CCDC3: variants seen among roughly 807,000 people sequenced by gnomAD.
CCDC3 encodes the protein coiled-coil domain-containing protein 3.
A neutral mutation model predicts 21.4 loss-of-function variants in CCDC3; 24 were observed. The ratio of observed to expected loss-of-function variants is 1.12; its 90% CI spans 0.81 to 1.58. The LOEUF is 1.58. CCDC3 is among the 40% of genes most tolerant of loss of function. The probability of loss-of-function intolerance (pLI) is 0.00; values close to 1 mark genes in which losing one functional copy is unlikely to be tolerated. For synonymous variants in CCDC3, 186 were observed against 166.0 expected (o/e 1.12, Z -0.93); for missense variants, 425 against 360.9 (o/e 1.18, Z -1.44).
At chr10:13,084,513 C>A (rs1199841639) in intron 3 of CCDC3, among the ~76,000 whole-genome samples, 1 of 152,154 alleles carries the variant, frequency 6.6e-6, no homozygotes, top group Non-Finnish European at 1.5e-5. Flanking sequence ...TCTCGAACTC[C>A]TGACCTTAGG....
At chr10:13,038,199 C>T (rs1340844908) in intron 5 of CCDC3, among the ~76,000 whole-genome samples, 1 of 151,784 alleles carries the variant, frequency 6.6e-6, no homozygotes, top group East Asian at 1.9e-4. Flanking sequence ...CACACTGGGG[C>T]CTATCAGAGG....
chr10:12,976,527 CCA>C (rs1835420333), intron 2 of CCDC3, among the ~76,000 whole-genome samples: 1 of 152,204 alleles, frequency 6.6e-6, no homozygotes, highest in Non-Finnish European at 1.5e-5. Flanking sequence ...AGGTGAGAAT[CCA>C]CAGCCACAAG....
chr10:13,007,282 T>C (rs1835936115), intron 5 of CCDC3, among the ~76,000 whole-genome samples: 1 of 152,184 alleles, frequency 6.6e-6, no homozygotes, highest in Admixed American at 6.5e-5. Context: ...TCCCTAAGCC[T>C]TTGGATTCCC....
At position 12,948,215 on chromosome 10, in the gene CCDC3, G is replaced by A. The variant is rs569054064; in HGVS notation, c.550-49536C>T. Among the ~76,000 whole-genome samples the A allele has an allele frequency of 7.2e-5, 11 of 152,210 alleles. No homozygotes were observed. In the South Asian group the frequency reaches 1.9e-3, roughly 26 times the overall value. ...TCTTGCCTGCCACCACATAAGATGTGCCTTTGCTCTTCCTTCGCCTTCCAC... is the reference window on the plus strand; with the variant it reads ...TCTTGCCTGCCACCACATAAGATGTACCTTTGCTCTTCCTTCGCCTTCCAC... On this transcript the variant is annotated intron_variant, in intron 2 of 2. Transcript: ENST00000378825.
intron 2 of CCDC3, among the ~76,000 whole-genome samples, chr10:12,963,999 C>T (rs1835220750): frequency 6.6e-6 from 1 of 152,070 alleles, no homozygotes; most frequent in South Asian, 2.1e-4. Context: ...CTACAAGGTA[C>T]AAGTCAGTGA....
Position 13,001,342 on chromosome 10 carries a change from C to A in CCDC3, c.229G>T (p.Ala77Ser), listed in dbSNP as rs1410255422. The change falls in exon 1 of 3, where the codon GCC becomes TCC. Residue 77 changes from alanine to serine, a missense_variant. By Grantham distance (99) the Ala-to-Ser change is moderately conservative. Coordinates refer to ENST00000378825, the MANE Select transcript of CCDC3 (RefSeq NM_031455.4). ...TGGTCGCACAGCATCTCGACCTCGG[C>A]CGAGTAGAAGAGGCCCCCCTGGCCG... ...HAGQGGLFYS[A>S]EVEMLCDQAW... is the part of the protein sequence containing the mutation. 1 of 1,603,648 alleles carries A rather than the reference C, an allele frequency of 6.2e-7. No homozygotes were observed. Among genetic ancestry groups the A allele is most frequent in the Non-Finnish European group, 8.5e-7 (1 of 1,176,404 alleles).
chr10:12,913,119 T>A (rs1156606417), intron 2 of CCDC3, among the ~76,000 whole-genome samples: 2 of 152,240 alleles, frequency 1.3e-5, no homozygotes, highest in African/African-American at 4.8e-5. Context: ...ATTCTATTTC[T>A]ATGAAAAATT....
intron 5 of CCDC3, among the ~76,000 whole-genome samples, chr10:13,036,329 C>T (rs1836377141): frequency 6.6e-6 from 1 of 152,108 alleles, no homozygotes; most frequent in South Asian, 2.1e-4. Flanking sequence ...TTAAAAAAAT[C>T]CATGCTATAT....
chr10:13,085,758 G>A (rs1426094810), intron 3 of CCDC3, among the ~76,000 whole-genome samples: 1 of 152,188 alleles, frequency 6.6e-6, no homozygotes, highest in East Asian at 1.9e-4. Context: ...CCTGAGGTCA[G>A]GAGTTTGAGA....
rs932736307 is a variant in CCDC3, at chr10:12,898,387, C to G, written c.*29G>C. 1.3e-6 allele frequency: 2 copies of G among 1,563,020 alleles called. No homozygotes were observed. The highest frequency in any genetic ancestry group is 1.7e-6 in the Non-Finnish European group (2 of 1,154,662). On this transcript the variant is annotated 3_prime_UTR_variant, in exon 3 of 3. Transcript: ENST00000378825. ...CATTCTCAATTACCGTCAGGATTGGCCCTGCACACCTGGCAGCCCCCAGGC... is the reference window on the plus strand; with the variant it reads ...CATTCTCAATTACCGTCAGGATTGGGCCTGCACACCTGGCAGCCCCCAGGC...
chr10:13,058,268 C>T (rs1836708151), intron 4 of CCDC3: 7 of 1,380,554 alleles, frequency 5.1e-6, no homozygotes, highest in Non-Finnish European at 7.1e-6. Flanking sequence ...ACCTGGCTGA[C>T]CATCAATGCT....
At chr10:12,979,009 G>A (rs1184863357) in intron 2 of CCDC3, among the ~76,000 whole-genome samples, 2 of 151,928 alleles carry the variant, frequency 1.3e-5, no homozygotes, top group Admixed American at 6.6e-5. Context: ...CTGTGTCATC[G>A]CCTCATCCAT....
chr10:12,983,121 TAAAA>T (rs1835527956), intron 2 of CCDC3, among the ~76,000 whole-genome samples: 1 of 105,722 alleles, frequency 9.5e-6, no homozygotes, highest in Non-Finnish European at 1.8e-5. Flanking sequence ...AATAAATAAA[TAAAA>T]TAGTGTATAT....
chr10:13,091,560 C>A (rs1832570589), intron 3 of CCDC3, among the ~76,000 whole-genome samples: 1 of 152,144 alleles, frequency 6.6e-6, no homozygotes, highest in Admixed American at 6.5e-5. Flanking sequence ...TTATAACAGC[C>A]AGGATGGACA....
At chr10:13,050,893 C>A (rs963699989) in intron 4 of CCDC3, among the ~76,000 whole-genome samples, 6 of 152,024 alleles carry the variant, frequency 3.9e-5, no homozygotes, top group African/African-American at 1.2e-4. Context: ...CTCAAGTGAT[C>A]CTCCCACCCC....
At chr10:12,976,828 G>C (rs948386013) in intron 2 of CCDC3, among the ~76,000 whole-genome samples, 5 of 151,764 alleles carry the variant, frequency 3.3e-5, no homozygotes, top group African/African-American at 9.7e-5. Context: ...ACAATACCAA[G>C]AGTGAACCCT....
chr10:13,034,765 C>T (rs1012290667), intron 5 of CCDC3, among the ~76,000 whole-genome samples: 2 of 152,126 alleles, frequency 1.3e-5, no homozygotes, highest in Non-Finnish European at 2.9e-5. Flanking sequence ...TGGCTCACGC[C>T]TGTAATCCCA....
intron 3 of CCDC3, among the ~76,000 whole-genome samples, chr10:13,075,775 T>C (rs2131443603): frequency 6.6e-6 from 1 of 152,252 alleles, no homozygotes; most frequent in Non-Finnish European, 1.5e-5. Context: ...CGCACGGGCA[T>C]GGTGGCTCCA....
At position 12,977,190 on chromosome 10, in the gene CCDC3, G is replaced by A. The variant is rs190770715; in HGVS notation, c.549+21148C>T. ...CTCGAGAGGCTGAGGCAGGAGAATC[G>A]CTTGAACCTGGGAGGCAGAGGTTGC... On this transcript the variant is annotated intron_variant, in intron 2 of 2. Coordinates refer to ENST00000378825, the MANE Select transcript of CCDC3 (RefSeq NM_031455.4). 1.3e-3 allele frequency among the ~76,000 whole-genome samples: 191 copies of A among 152,216 alleles called. 1 individual carries two copies. Among genetic ancestry groups the A allele is most frequent in the Middle Eastern group, 0.01 (3 of 294 alleles).
Sources: allele counts gnomAD v4.1 joint callset (sites outside exome capture counted in the v4.1 genomes callset), GRCh38; gene constraint gnomAD v4.1.1; transcripts MANE v1.5; gene names NCBI Gene and HGNC (gene_info 2026-07-23, HGNC 2026-07-21).